Variants in PLS1 observed in about 807,000 individuals in gnomAD.
The protein encoded by PLS1 is plastin-1.
A neutral mutation model predicts 73.7 loss-of-function variants in PLS1; 32 were observed. The ratio of observed to expected loss-of-function variants is 0.43; its 90% CI spans 0.33 to 0.58. The LOEUF (loss-of-function observed/expected upper bound fraction) is 0.58. Among genes scored for constraint, PLS1 ranks in the 20% least tolerant of loss-of-function variants. The probability of loss-of-function intolerance (pLI) is 0.04; values close to 1 mark genes in which losing one functional copy is unlikely to be tolerated. For missense variants in PLS1, 633 were observed against 740.5 expected, an observed-to-expected ratio of 0.85 and a Z score of 1.68; for synonymous variants, 217 against 261.3, an observed-to-expected ratio of 0.83 and a Z score of 1.63.
Position 142,607,336 on chromosome 3 carries a change from G to A in PLS1, c.-37+10827G>A, listed in dbSNP as rs137903397. 1.5e-3 allele frequency among the ~76,000 whole-genome samples: 227 copies of A among 152,294 alleles called. 2 individuals carry two copies. Among genetic ancestry groups the A allele is most frequent in the African/African-American group, 5.3e-3 (221 of 41,568 alleles). ...CGCTTTGTCACCAGGCTGGAGTGCA[G>A]TGGTGCGATCTCGGCTCACTGCAAC... On this transcript the variant is annotated intron_variant, in intron 1 of 15. Transcript: ENST00000457734.
chr3:142,675,288 A>G (rs1384765764), intron 4 of PLS1, among the ~76,000 whole-genome samples: 1 of 152,176 alleles, frequency 6.6e-6, no homozygotes, highest in African/African-American at 2.4e-5. Context: ...ATATTTGGAA[A>G]TATTTTTGAA....
chr3:142,710,238 C>G (rs758212844), intron 14 of PLS1, among the ~76,000 whole-genome samples: 1 of 143,500 alleles, frequency 7.0e-6, no homozygotes, highest in Non-Finnish European at 1.5e-5. Flanking sequence ...AGCTGGTTTT[C>G]CTTTTGGTCA....
intron 1 of PLS1, among the ~76,000 whole-genome samples, chr3:142,618,158 A>C (rs2036248876): frequency 6.6e-6 from 1 of 152,172 alleles, no homozygotes; most frequent in Non-Finnish European, 1.5e-5. Flanking sequence ...TCCTACACTA[A>C]ATATTTGACT....
At chr3:142,686,977 C>T (rs1435394140) in intron 9 of PLS1, among the ~76,000 whole-genome samples, 1 of 152,108 alleles carries the variant, frequency 6.6e-6, no homozygotes, top group East Asian at 1.9e-4. Context: ...TCAGTTTTAC[C>T]AGCTTATATT....
rs113631923 is a variant in PLS1 at position 142,621,758 on chromosome 3, A to AT, written c.-37+25255dup. ...ATCAGAAAATAACCACACAGGATCC[A>AT]TTTTTTAAAAGGACACATAGGGCAG... is the stretch of plus-strand genomic sequence containing the variant. On this transcript the variant is annotated intron_variant, in intron 1 of 15. Coordinates refer to ENST00000457734, the MANE Select transcript of PLS1 (RefSeq NM_001145319.2). 2.0e-5 allele frequency among the ~76,000 whole-genome samples: 3 copies of AT among 152,296 alleles called. 1 individual carries two copies. Among genetic ancestry groups the AT allele is most frequent in the African/African-American group, 7.2e-5 (3 of 41,574 alleles).
chr3:142,658,139 A>G (rs1310035169), intron 1 of PLS1, among the ~76,000 whole-genome samples: 4 of 152,202 alleles, frequency 2.6e-5, no homozygotes, highest in Admixed American at 6.5e-5. Flanking sequence ...TTGAGCAGAC[A>G]TTAGCATTTT....
chr3:142,670,868 C>G (rs563892698), intron 3 of PLS1, 125 bp from the exon 4 acceptor site: 2 of 609,870 alleles, frequency 3.3e-6, no homozygotes, highest in Admixed American at 3.4e-5. Context: ...TGTATACAAG[C>G]AATAAGTACA....
chr3:142,647,891 A>G (rs79082181), intron 1 of PLS1, among the ~76,000 whole-genome samples: 31 of 152,206 alleles, frequency 2.0e-4, no homozygotes, highest in South Asian at 8.3e-4. Context: ...CTGACTCTCT[A>G]GTAGGGGCTG....
chr3:142,700,259 A>C (rs2038298754), intron 12 of PLS1, among the ~76,000 whole-genome samples: 1 of 152,048 alleles, frequency 6.6e-6, no homozygotes, highest in Non-Finnish European at 1.5e-5. Flanking sequence ...CTTCGCTTAC[A>C]AAGTTCTTAA....
intron 1 of PLS1, among the ~76,000 whole-genome samples, chr3:142,652,911 C>A (rs2037130839): frequency 6.6e-6 from 1 of 152,164 alleles, no homozygotes; most frequent in East Asian, 1.9e-4. Flanking sequence ...GTGACCAAAT[C>A]CCATGTGTTA....
chr3:142,705,107 T>C (rs1249661041), intron 14 of PLS1, among the ~76,000 whole-genome samples: 3 of 152,166 alleles, frequency 2.0e-5, no homozygotes, highest in Non-Finnish European at 4.4e-5. Flanking sequence ...AATTTTTGAT[T>C]GGTTGTCCAG....
intron 2 of PLS1, among the ~76,000 whole-genome samples, chr3:142,669,115 T>C (rs1322323952): frequency 6.6e-6 from 1 of 152,164 alleles, no homozygotes; most frequent in Admixed American, 6.5e-5. Flanking sequence ...GGTGCGATCA[T>C]AGCTCACTAC....
intron 12 of PLS1, 32 bp downstream of exon 12, chr3:142,698,099 T>TA: frequency 8.4e-7 from 1 of 1,184,006 alleles, no homozygotes; most frequent in South Asian, 1.2e-5. Flanking sequence ...GATATATTGT[T>TA]ATTGTTCTGA....
intron 8 of PLS1, 62 bp from the exon 9 acceptor site, chr3:142,686,222 T>C (rs952080197): frequency 1.0e-6 from 1 of 969,590 alleles, no homozygotes; most frequent in African/African-American, 1.6e-5. Context: ...GCACTTGTTT[T>C]CCCTAAATTC....
At chr3:142,631,213 T>TA (rs2036553093) in intron 1 of PLS1, among the ~76,000 whole-genome samples, 1 of 149,358 alleles carries the variant, frequency 6.7e-6, no homozygotes. Flanking sequence ...CCTGTCTCTA[T>TA]AAAAAATACA....
At chr3:142,631,654 CCT>C (rs2036566102) in intron 1 of PLS1, among the ~76,000 whole-genome samples, 1 of 130,138 alleles carries the variant, frequency 7.7e-6, no homozygotes, top group Non-Finnish European at 1.6e-5. Flanking sequence ...GAGTTGAGAC[CCT>C]GTCTCTAGAA....
intron 6 of PLS1, among the ~76,000 whole-genome samples, chr3:142,681,286 T>G (rs2037848294): frequency 6.6e-6 from 1 of 151,882 alleles, no homozygotes; most frequent in Non-Finnish European, 1.5e-5. Flanking sequence ...CAAAAAAAGG[T>G]CATGTATATA....
intron 11 of PLS1, among the ~76,000 whole-genome samples, chr3:142,694,970 G>A (rs1259782244): frequency 6.6e-6 from 1 of 151,662 alleles, no homozygotes; most frequent in Non-Finnish European, 1.5e-5. Flanking sequence ...TGTTTTCCTT[G>A]AATAATTGTT....
chr3:142,679,632 T>C (rs2107873362), intron 6 of PLS1, among the ~76,000 whole-genome samples: 1 of 151,756 alleles, frequency 6.6e-6, no homozygotes, highest in African/African-American at 2.4e-5. Context: ...CATTGATCTA[T>C]ATCTCTGTTT....
Sources: gnomAD v4.1 joint callset for allele counts (sites outside exome capture counted in the v4.1 genomes callset) on GRCh38, gnomAD v4.1.1 for gene constraint, MANE v1.5 for transcripts, NCBI Gene and HGNC (gene_info 2026-07-23, HGNC 2026-07-21) for gene names.